RBFOX1: variants seen among roughly 807,000 people sequenced by gnomAD.
RBFOX1 encodes RNA binding fox-1 homolog 1, also known as RNA binding protein fox-1 homolog 1.
A neutral mutation model predicts 57.7 loss-of-function variants in RBFOX1; 8 were observed. The ratio of observed to expected loss-of-function variants is 0.14; its 90% CI spans 0.08 to 0.25. The LOEUF is 0.25. Ranked by LOEUF, RBFOX1 falls within the 10% of genes least tolerant of loss-of-function variation. RBFOX1 has a pLI of 1.00. For missense variants in RBFOX1, 611 were observed against 548.5 expected, an observed-to-expected ratio of 1.11 and a Z score of -1.14; for synonymous variants, 326 against 222.4, an observed-to-expected ratio of 1.47 and a Z score of -4.15.
chr16:7,147,228 C>T (rs145235179), intron 4 of RBFOX1, among the ~76,000 whole-genome samples: 1 of 150,858 alleles, frequency 6.6e-6, no homozygotes. Context: ...TGGTCAGGAA[C>T]TCCTGACCTC....
intron 3 of RBFOX1, among the ~76,000 whole-genome samples, chr16:6,678,192 C>G (rs36031314): frequency 6.6e-6 from 1 of 152,180 alleles, no homozygotes; most frequent in Non-Finnish European, 1.5e-5. Flanking sequence ...GGCACAATCT[C>G]GGTTCACTGC....
intron 2 of RBFOX1, among the ~76,000 whole-genome samples, chr16:6,569,932 C>G (rs1204803623): frequency 6.6e-6 from 1 of 152,162 alleles, no homozygotes; most frequent in Non-Finnish European, 1.5e-5. Flanking sequence ...TTCACTTGTC[C>G]TCAATAATAA....
intron 4 of RBFOX1, among the ~76,000 whole-genome samples, chr16:7,250,841 C>G (rs573583639): frequency 2.6e-5 from 4 of 152,206 alleles, no homozygotes; most frequent in East Asian, 3.9e-4. Context: ...TTTTAGGGAA[C>G]TTAGGACACT....
At position 7,446,391 on chromosome 16, in the gene RBFOX1, G is replaced by A. The variant is rs540472684; in HGVS notation, c.28-71756G>A. On this transcript the variant is annotated intron_variant, in intron 4 of 15. Transcript: ENST00000550418. ...CAGAAGTTGAGGAGAAGTAGAACAA[G>A]GAGGCCATGATTTTCTAGTATAACT... is the stretch of plus-strand genomic sequence containing the variant. Among the ~76,000 whole-genome samples, 7 of 152,276 alleles carry A rather than the reference G, an allele frequency of 4.6e-5. No individual in the cohort carries two copies. The South Asian group carries it at 8.3e-4, about 18-fold the overall frequency.
At chr16:5,865,674 G>A (rs2151894264) in intron 3 of RBFOX1, among the ~76,000 whole-genome samples, 1 of 152,298 alleles carries the variant, frequency 6.6e-6, no homozygotes, top group African/African-American at 2.4e-5. Context: ...GTCCTTTGTT[G>A]GATTCACATT....
intron 2 of RBFOX1, among the ~76,000 whole-genome samples, chr16:6,574,041 T>G (rs1194732628): frequency 1.3e-5 from 2 of 152,218 alleles, no homozygotes; most frequent in East Asian, 3.9e-4. Flanking sequence ...AATTTTTCTC[T>G]CGCTCTGCCA....
At chr16:5,667,115 C>T (rs777913295) in intron 3 of RBFOX1, among the ~76,000 whole-genome samples, 17 of 152,186 alleles carry the variant, frequency 1.1e-4, no homozygotes, top group Non-Finnish European at 2.1e-4. Context: ...AAAGTAAAGT[C>T]GTTTGTCTTT....
chr16:6,938,685 C>T (rs937703647), intron 3 of RBFOX1, among the ~76,000 whole-genome samples: 1 of 152,008 alleles, frequency 6.6e-6, no homozygotes, highest in Non-Finnish European at 1.5e-5. Context: ...TGGGGCTTTG[C>T]CATGTTGGCC....
chr16:5,659,232 T>C (rs1451039801), intron 3 of RBFOX1, among the ~76,000 whole-genome samples: 17 of 152,102 alleles, frequency 1.1e-4, no homozygotes, highest in Admixed American at 1.1e-3. Flanking sequence ...TCTTTTATGG[T>C]TTTGATTTGC....
At chr16:6,891,749 A>G (rs542017975) in intron 3 of RBFOX1, among the ~76,000 whole-genome samples, 11 of 152,298 alleles carry the variant, frequency 7.2e-5, no homozygotes, top group South Asian at 4.1e-4. Flanking sequence ...TGAAGGTGCA[A>G]TCTGTCTTCA....
intron 1 of RBFOX1, among the ~76,000 whole-genome samples, chr16:5,445,836 C>T (rs772002103): frequency 1.8e-4 from 27 of 152,294 alleles, no homozygotes; most frequent in African/African-American, 4.6e-4. Flanking sequence ...TTTAAACAAG[C>T]GAAGAAGTTC....
intron 3 of RBFOX1, among the ~76,000 whole-genome samples, chr16:6,745,743 T>C (rs2073440976): frequency 6.6e-6 from 1 of 152,188 alleles, no homozygotes; most frequent in Admixed American, 6.5e-5. Flanking sequence ...AAAGCAAGGA[T>C]TTATGCTTTC....
At chr16:6,295,957 G>A (rs1445787295) in intron 1 of RBFOX1, among the ~76,000 whole-genome samples, 1 of 152,174 alleles carries the variant, frequency 6.6e-6, no homozygotes, top group African/African-American at 2.4e-5. Context: ...ATTCACATAT[G>A]TCTGTATGGT....
intron 4 of RBFOX1, among the ~76,000 whole-genome samples, chr16:7,094,025 G>C (rs1330587455): frequency 1.3e-5 from 2 of 150,882 alleles, no homozygotes; most frequent in Non-Finnish European, 2.9e-5. Flanking sequence ...TTTAAACATA[G>C]TAATTGGTCA....
intron 2 of RBFOX1, among the ~76,000 whole-genome samples, chr16:6,450,815 ATACATATATATATATATATATGTG>A (rs2094590209): frequency 7.3e-5 from 1 of 13,776 alleles, no homozygotes; most frequent in Non-Finnish European, 1.0e-4. Context: ...ATATATATAT[ATACATATATATATATATATATGTG>A]TATATATATA....
At chr16:7,248,002 C>A (rs568445481) in intron 4 of RBFOX1, among the ~76,000 whole-genome samples, 1 of 152,014 alleles carries the variant, frequency 6.6e-6, no homozygotes, top group Non-Finnish European at 1.5e-5. Flanking sequence ...ACAAGTTTAC[C>A]CAAATAACAA....
intron 2 of RBFOX1, among the ~76,000 whole-genome samples, chr16:6,491,142 A>G (rs2095623621): frequency 6.6e-6 from 1 of 151,954 alleles, no homozygotes; most frequent in Non-Finnish European, 1.5e-5. Context: ...TAGATATGTA[A>G]CTTATGTATA....
intron 4 of RBFOX1, among the ~76,000 whole-genome samples, chr16:7,130,360 G>C (rs1010377653): frequency 3.3e-5 from 5 of 152,098 alleles, no homozygotes; most frequent in African/African-American, 4.8e-5. Context: ...TTTTAAGCCA[G>C]CTGAATGGGT....
chr16:6,280,982 T>C (rs1471178764), intron 1 of RBFOX1, among the ~76,000 whole-genome samples: 7 of 149,464 alleles, frequency 4.7e-5, no homozygotes, highest in African/African-American at 1.3e-4. Context: ...TGTGTGTATA[T>C]ATATGTGTGT....
Sources: gnomAD v4.1 joint callset for allele counts (sites outside exome capture counted in the v4.1 genomes callset) on GRCh38, gnomAD v4.1.1 for gene constraint, MANE v1.5 for transcripts, NCBI Gene and HGNC (gene_info 2026-07-23, HGNC 2026-07-21) for gene names.